Variants in PGAP1 observed in about 807,000 individuals in gnomAD.
PGAP1 encodes the protein post-GPI attachment to proteins inositol deacylase 1, also known as GPI inositol-deacylase.
PGAP1 carries 76 observed loss-of-function variants against 127.0 expected under a neutral mutation model. The observed-to-expected ratio is 0.60, with a 90% CI of 0.50 to 0.72. The LOEUF is 0.72. Ranked by LOEUF, PGAP1 falls within the 30% of genes least tolerant of loss-of-function variation. PGAP1 has a pLI of 0.00. For synonymous variants in PGAP1, 362 were observed against 366.5 expected (o/e 0.99, Z 0.14); for missense variants, 982 against 1,071.3 (o/e 0.92, Z 1.16).
intron 4 of PGAP1, among the ~76,000 whole-genome samples, chr2:196,911,713 C>T (rs997795010): frequency 7.4e-5 from 11 of 149,438 alleles, no homozygotes; most frequent in East Asian, 2.0e-4. Context: ...TAAAGATTTT[C>T]ATCTACTCAT....
chr2:196,875,898 G>T, intron 13 of PGAP1, 77 bp from the exon 14 acceptor site: 1 of 743,904 alleles, frequency 1.3e-6, no homozygotes, highest in Non-Finnish European at 2.2e-6. Context: ...ATGTTTGAGT[G>T]GAAAATAAAA....
chr2:196,916,385 G>A, intron 3 of PGAP1, 33 bp downstream of exon 3: 1 of 1,525,100 alleles, frequency 6.6e-7, no homozygotes, highest in Non-Finnish European at 8.8e-7. Flanking sequence ...CCGATAGGTT[G>A]CACCACTATT....
intron 1 of PGAP1, among the ~76,000 whole-genome samples, chr2:196,920,565 G>C (rs549234668): frequency 6.6e-6 from 1 of 152,088 alleles, no homozygotes; most frequent in East Asian, 1.9e-4. Flanking sequence ...TAACTATTTT[G>C]TAATGTCTCT....
intron 11 of PGAP1, 74 bp downstream of exon 11, chr2:196,885,760 G>T: frequency 1.1e-6 from 1 of 932,628 alleles, no homozygotes; most frequent in Non-Finnish European, 1.5e-6. Context: ...AACAATGTAT[G>T]AAACTATTCT....
At chr2:196,844,647 A>T in intron 23 of PGAP1, 73 bp from the exon 24 acceptor site, 2 of 1,005,850 alleles carry the variant, frequency 2.0e-6, no homozygotes, top group South Asian at 1.6e-5. Context: ...TGGTATTAAA[A>T]ATGAGAAGCA....
chr2:196,869,629 C>T (rs746523861), intron 19 of PGAP1, among the ~76,000 whole-genome samples: 15 of 152,128 alleles, frequency 9.9e-5, no homozygotes, highest in Non-Finnish European at 1.8e-4. Flanking sequence ...CCACCGCACC[C>T]GGCCCAACAT....
At chr2:196,922,358 G>T (rs1703223802) in intron 1 of PGAP1, 1 of 982,936 alleles carries the variant, frequency 1.0e-6, no homozygotes, top group African/African-American at 1.8e-5. Context: ...TGATCTAGAT[G>T]AATACACATA....
At chr2:196,886,527 G>A (rs367917338) in intron 10 of PGAP1, among the ~76,000 whole-genome samples, 2 of 152,024 alleles carry the variant, frequency 1.3e-5, no homozygotes, top group African/African-American at 4.8e-5. Flanking sequence ...TTTCAGTAAT[G>A]TCCATACTTT....
At chr2:196,897,802 G>A (rs1362556898) in intron 6 of PGAP1, among the ~76,000 whole-genome samples, 1 of 152,190 alleles carries the variant, frequency 6.6e-6, no homozygotes, top group Non-Finnish European at 1.5e-5. Context: ...GTTTTTGGGA[G>A]ATTATTTTAC....
intron 5 of PGAP1, among the ~76,000 whole-genome samples, chr2:196,898,842 A>G (rs1702377298): frequency 6.6e-6 from 1 of 152,042 alleles, no homozygotes; most frequent in Non-Finnish European, 1.5e-5. Flanking sequence ...GCCTAAGGAG[A>G]GTTTTCAAAC....
Position 196,840,154 on chromosome 2 carries a change from T to G in PGAP1, c.*1080A>C, listed in dbSNP as rs1700366688. 1.3e-5 allele frequency: 2 copies of G among 152,240 alleles called. No homozygotes were observed. Among genetic ancestry groups the G allele is most frequent in the South Asian group, 4.1e-4 (2 of 4,834 alleles). The allele number at this position is 152,240 out of a possible 1,614,324, so 9.4% of individuals were successfully genotyped here. On this transcript the variant is annotated 3_prime_UTR_variant, in exon 27 of 27. Coordinates refer to ENST00000354764, the MANE Select transcript of PGAP1 (RefSeq NM_024989.4). ...ACCTAGGCAAATCAAGATTCCACTG[T>G]TAAACCTAGTGGCTAATGTCTCCAA...
At chr2:196,914,768 T>C (rs1702945993) in intron 3 of PGAP1, among the ~76,000 whole-genome samples, 1 of 152,026 alleles carries the variant, frequency 6.6e-6, no homozygotes, top group African/African-American at 2.4e-5. Context: ...CCACCAAAAC[T>C]GCTCTTGCTA....
intron 10 of PGAP1, among the ~76,000 whole-genome samples, chr2:196,889,217 C>G (rs1702019160): frequency 6.6e-6 from 1 of 152,092 alleles, no homozygotes; most frequent in African/African-American, 2.4e-5. Context: ...AGAAAAGATA[C>G]TTTAAGCTTT....
chr2:196,913,069 A>G lies in PGAP1; in HGVS notation c.478-16T>C. On this transcript the variant is annotated splice_polypyrimidine_tract_variant and intron_variant, in intron 3 of 26. Coordinates refer to ENST00000354764, the MANE Select transcript of PGAP1 (RefSeq NM_024989.4). ...ATTCTTGACCCTATTAAAATAAATC[A>G]CCAGGTCATAATTGCGGCTTTGTAT... The G allele has an allele frequency of 6.3e-7, 1 of 1,587,440 alleles. No homozygotes were observed. The highest frequency in any genetic ancestry group is 8.6e-7 in the Non-Finnish European group (1 of 1,165,088).
At chr2:196,892,285 G>T in intron 9 of PGAP1, 61 bp downstream of exon 9, 1 of 771,502 alleles carries the variant, frequency 1.3e-6, no homozygotes, top group Non-Finnish European at 2.1e-6. Flanking sequence ...AACTTTTAAA[G>T]ATAAATACTA....
intron 3 of PGAP1, among the ~76,000 whole-genome samples, chr2:196,914,070 C>T (rs1238391690): frequency 6.6e-6 from 1 of 152,084 alleles, no homozygotes; most frequent in Non-Finnish European, 1.5e-5. Flanking sequence ...TGGTGATCTC[C>T]AATACAGACC....
At chr2:196,853,862 C>A (rs932372671) in intron 20 of PGAP1, among the ~76,000 whole-genome samples, 3 of 150,830 alleles carry the variant, frequency 2.0e-5, no homozygotes, top group African/African-American at 7.3e-5. Flanking sequence ...CTCTTTTGAT[C>A]AAGCGTTTTG....
At chr2:196,870,842 T>C (rs1183695737) in intron 19 of PGAP1, 99 bp downstream of exon 19, 12 of 986,100 alleles carry the variant, frequency 1.2e-5, no homozygotes, top group Admixed American at 4.7e-5. Flanking sequence ...CAAAAAATTA[T>C]TGATTATCCA....
At chr2:196,848,275 C>A (rs1700616084) in intron 20 of PGAP1, among the ~76,000 whole-genome samples, 1 of 152,068 alleles carries the variant, frequency 6.6e-6, no homozygotes. Context: ...GGGGTTTCAC[C>A]AGCTGTATTT....
Sources: gnomAD v4.1 joint callset for allele counts (sites outside exome capture counted in the v4.1 genomes callset) on GRCh38, gnomAD v4.1.1 for gene constraint, MANE v1.5 for transcripts, NCBI Gene and HGNC (gene_info 2026-07-23, HGNC 2026-07-21) for gene names.